EIF3M: variants seen among roughly 807,000 people sequenced by gnomAD.
EIF3M encodes the protein eukaryotic translation initiation factor 3 subunit M.
In EIF3M, 25 loss-of-function variants were observed where a neutral mutation model predicts 49.7. The observed-to-expected ratio is 0.50, with a 90% CI of 0.37 to 0.70. EIF3M has a LOEUF of 0.70. Ranked by LOEUF, EIF3M falls within the 30% of genes least tolerant of loss-of-function variation. The probability of loss-of-function intolerance (pLI) is 0.00; values close to 1 mark genes in which losing one functional copy is unlikely to be tolerated. For missense variants in EIF3M, 350 were observed against 440.0 expected, an observed-to-expected ratio of 0.80 and a Z score of 1.83; for synonymous variants, 156 against 149.8, an observed-to-expected ratio of 1.04 and a Z score of -0.30.
intron 9 of EIF3M, chr11:32,601,522 AACAG>A: frequency 3.9e-6 from 1 of 257,590 alleles, no homozygotes; most frequent in South Asian, 1.3e-4. Context: ...AAAAAAAAAA[AACAG>A]CAAAAAACTG....
chr11:32,598,230 A>G (rs1377139293), intron 8 of EIF3M, among the ~76,000 whole-genome samples: 2 of 152,200 alleles, frequency 1.3e-5, no homozygotes, highest in African/African-American at 4.8e-5. Flanking sequence ...GCACTGGTTC[A>G]TAAGCTATTG....
chr11:32,596,203 A>G (rs566162794), intron 8 of EIF3M, among the ~76,000 whole-genome samples, 156 bp downstream of exon 8: 1 of 152,326 alleles, frequency 6.6e-6, no homozygotes, highest in African/African-American at 2.4e-5. Context: ...ATAGGTAGAC[A>G]GTTTAAAATA....
chr11:32,586,253 CA>C (rs369755109), intron 1 of EIF3M, among the ~76,000 whole-genome samples: 8,719 of 150,062 alleles, frequency 0.058, 293 homozygotes, highest in African/African-American at 0.097. Context: ...CAAAACAAAA[CA>C]AAAAAAAACT....
chr11:32,589,770 TTC>T lies in EIF3M; in HGVS notation c.533+131_533+132del, dbSNP rs1453742440. 40 of 618,268 alleles carry T rather than the reference TTC, an allele frequency of 6.5e-5. No individual in the cohort carries two copies. The Admixed American group carries it at 7.2e-4, about 11-fold the overall frequency. 38.3% of individuals were successfully genotyped at this position (618,268 alleles called of 1,614,324 possible). On this transcript the variant is annotated intron_variant, in intron 5 of 10. Transcript: ENST00000531120. ...CTCCACAGAGTTGCTATAAATCTAT[TTC>T]TATAAATTTGACCTAAAGTTAAAGA... is the stretch of plus-strand genomic sequence containing the variant.
At chr11:32,592,327 A>G (rs773900853) in intron 5 of EIF3M, 21 of 547,772 alleles carry the variant, frequency 3.8e-5, no homozygotes, top group African/African-American at 2.1e-4. Flanking sequence ...AAAAGTTACA[A>G]AAGCAAATCC....
At position 32,593,751 on chromosome 11, in the gene EIF3M, GTC is replaced by G. The variant is rs1855137775; in HGVS notation, c.534-109_534-108del. Reference sequence around the variant, plus strand: ...GACTTTTCCCATAGACAGGGACTTTGTCTCTCTTAGTCACCGTTATAATGTCA... The same window carrying G: ...GACTTTTCCCATAGACAGGGACTTTGTCTCTTAGTCACCGTTATAATGTCA... On this transcript the variant is annotated intron_variant, in intron 5 of 10. Coordinates refer to ENST00000531120, the MANE Select transcript of EIF3M (RefSeq NM_006360.6). The G allele has an allele frequency of 5.1e-6, 3 of 588,428 alleles. No homozygotes were observed. The East Asian group carries it at 1.0e-4, about 20-fold the overall frequency. 36.5% of individuals were successfully genotyped at this position (588,428 alleles called of 1,614,324 possible). A position where few individuals can be genotyped will look rare whatever the true frequency, so the allele number is the denominator to read the frequency against.
chr11:32,588,216 C>T (rs1855030594), intron 2 of EIF3M, among the ~76,000 whole-genome samples: 1 of 151,930 alleles, frequency 6.6e-6, no homozygotes, highest in African/African-American at 2.4e-5. Flanking sequence ...TGGTGAAACC[C>T]CGTCTCTACT....
At chr11:32,601,501 TAAAAAAA>T (rs60498109) in intron 9 of EIF3M, 223 of 216,926 alleles carry the variant, frequency 1.0e-3, no homozygotes, top group Middle Eastern at 4.7e-3. Flanking sequence ...TAGCATTCTT[TAAAAAAA>T]AAAAAAAAAA....
At chr11:32,602,211 T>C in intron 10 of EIF3M, 68 bp from the exon 11 acceptor site, 1 of 1,576,918 alleles carries the variant, frequency 6.3e-7, no homozygotes, top group Non-Finnish European at 8.6e-7. Context: ...TTCAAATCTG[T>C]AGTATTATAA....
In EIF3M at chr11:32,603,744, T is replaced by C. The variant is rs1855308215; in HGVS notation, c.*1345T>C. 6.6e-6 allele frequency: 1 copy of C among 152,230 alleles called. No homozygotes were observed. Among genetic ancestry groups the C allele is most frequent in the Admixed American group, 6.5e-5 (1 of 15,276 alleles). 9.4% of individuals were successfully genotyped at this position (152,230 alleles called of 1,614,324 possible). A position where few individuals can be genotyped will look rare whatever the true frequency, so the allele number is the denominator to read the frequency against. The stretch of plus-strand genomic sequence containing the variant: ...TAATTTCATGCAAAACAATCTTTGA[T>C]GTTTTTGAGAGATTCCCAGATAAAA... On this transcript the variant is annotated 3_prime_UTR_variant, in exon 11 of 11. Coordinates refer to ENST00000531120, the MANE Select transcript of EIF3M (RefSeq NM_006360.6).
intron 1 of EIF3M, among the ~76,000 whole-genome samples, chr11:32,585,244 G>A (rs1854977680): frequency 6.6e-6 from 1 of 152,198 alleles, no homozygotes; most frequent in South Asian, 2.1e-4. Flanking sequence ...ATTAGAAATG[G>A]AAGCATGTTA....
intron 8 of EIF3M, among the ~76,000 whole-genome samples, chr11:32,599,928 A>G (rs193180632): frequency 1.4e-4 from 22 of 151,804 alleles, no homozygotes; most frequent in Non-Finnish European, 2.8e-4. Flanking sequence ...TTCTAGGCCT[A>G]ACACATTGTT....
chr11:32,585,143 G>C (rs1311670191), intron 1 of EIF3M, among the ~76,000 whole-genome samples: 1 of 152,154 alleles, frequency 6.6e-6, no homozygotes, highest in Non-Finnish European at 1.5e-5. Context: ...GAAGAGCAAA[G>C]TAAGAAGGGA....
At chr11:32,583,961 G>T in intron 1 of EIF3M, 32 bp downstream of exon 1, 1 of 1,611,834 alleles carries the variant, frequency 6.2e-7, no homozygotes, top group Non-Finnish European at 8.5e-7. Flanking sequence ...CCGCCACGGT[G>T]GGGTGGGGGA....
At chr11:32,587,287 G>A in intron 2 of EIF3M, 143 bp downstream of exon 2, 1 of 845,130 alleles carries the variant, frequency 1.2e-6, no homozygotes, top group Non-Finnish European at 1.7e-6. Flanking sequence ...TATATGTTTT[G>A]AATTTCAGAC....
rs1855324702 is a variant in EIF3M at position 32,604,815 on chromosome 11, CAT to C, written c.*2417_*2418del. On this transcript the variant is annotated 3_prime_UTR_variant, in exon 11 of 11. Coordinates refer to ENST00000531120, the MANE Select transcript of EIF3M (RefSeq NM_006360.6). Reference sequence around the variant, plus strand: ...ACCAGTAAAAGTGGCATGTTAGTAACATTGTCATTTTCAGTGTTAGATTATGT... The same window carrying C: ...ACCAGTAAAAGTGGCATGTTAGTAACTGTCATTTTCAGTGTTAGATTATGT... The C allele has an allele frequency of 6.6e-6, 1 of 152,048 alleles. No individual in the cohort carries two copies. The highest frequency in any genetic ancestry group is 6.5e-5 in the Admixed American group (1 of 15,270). The allele number at this position is 152,048 out of a possible 1,614,324, so 9.4% of individuals were successfully genotyped here. A position where few individuals can be genotyped will look rare whatever the true frequency, so the allele number is the denominator to read the frequency against.
Position 32,583,850 on chromosome 11 carries a change from C to A in EIF3M, c.-38C>A. On this transcript the variant is annotated 5_prime_UTR_variant, in exon 1 of 11. Coordinates refer to ENST00000531120, the MANE Select transcript of EIF3M (RefSeq NM_006360.6). ...AGTTCCCTTTTCCGGTCGGCGTGGT[C>A]TTGCGAGTGGAGTGTCCGCTGTGCC... 2 of 1,607,624 alleles carry A rather than the reference C, an allele frequency of 1.2e-6. No individual in the cohort carries two copies. Among genetic ancestry groups the A allele is most frequent in the Non-Finnish European group, 1.7e-6 (2 of 1,175,668 alleles).
At position 32,593,671 on chromosome 11, in the gene EIF3M, T is replaced by G. The variant is rs147181989; in HGVS notation, c.534-195T>G. 732 of 378,926 alleles carry G rather than the reference T, an allele frequency of 1.9e-3. 2 individuals are homozygous for G. The highest frequency in any genetic ancestry group is 0.014 in the African/African-American group (694 of 48,290). 23.5% of individuals were successfully genotyped at this position (378,926 alleles called of 1,614,324 possible). ...TCACCATTTATTTCCTTCATAGCAC[T>G]TATTAGTTACTTTTCCTTAGTTGTC... On this transcript the variant is annotated intron_variant, in intron 5 of 10. Transcript: ENST00000531120.
chr11:32,589,574 C>G lies in EIF3M; in HGVS notation c.466C>G (p.Leu156Val). 1 of 1,614,128 alleles carries G rather than the reference C, an allele frequency of 6.2e-7. No individual in the cohort carries two copies. The part of the protein sequence containing the change: ...QVRKWISDWN[L>V]TTEKKHTLLR... Reference sequence around the variant, plus strand: ...TAGAAAATGGATTTCTGACTGGAATCTCACCACTGAAAAAAAGCACACCCT... The same window carrying G: ...TAGAAAATGGATTTCTGACTGGAATGTCACCACTGAAAAAAAGCACACCCT... The change falls in exon 5 of 11, where the codon CTC becomes GTC. Residue 156 changes from leucine to valine, a missense_variant. Physicochemically the swap from Leu to Val is conservative, Grantham distance 32. Coordinates refer to ENST00000531120, the MANE Select transcript of EIF3M (RefSeq NM_006360.6).
Sources: gnomAD v4.1 joint callset for allele counts (sites outside exome capture counted in the v4.1 genomes callset) on GRCh38, gnomAD v4.1.1 for gene constraint, MANE v1.5 for transcripts, NCBI Gene and HGNC (gene_info 2026-07-23, HGNC 2026-07-21) for gene names.